Variants in KIAA1549L observed in about 807,000 individuals in gnomAD.
KIAA1549L encodes the protein UPF0606 protein KIAA1549L.
In KIAA1549L, 88 loss-of-function variants were observed where a neutral mutation model predicts 160.7. The ratio of observed to expected loss-of-function variants is 0.55; its 90% CI spans 0.46 to 0.65. The LOEUF is 0.65. Ranked by LOEUF, KIAA1549L falls within the 30% of genes least tolerant of loss-of-function variation. The pLI is 0.00. For missense variants in KIAA1549L, 2,258 were observed against 2,437.5 expected (o/e 0.93, Z 1.55); for synonymous variants, 950 against 976.7 (o/e 0.97, Z 0.51).
chr11:33,505,317 C>A (rs1009693115), intron 1 of KIAA1549L, among the ~76,000 whole-genome samples: 1 of 152,188 alleles, frequency 6.6e-6, no homozygotes, highest in African/African-American at 2.4e-5. Context: ...TCAGGAGAAT[C>A]TCCAGTGAAT....
intron 1 of KIAA1549L, among the ~76,000 whole-genome samples, chr11:33,524,528 T>C (rs1157909714): frequency 6.6e-6 from 1 of 151,222 alleles, no homozygotes; most frequent in Non-Finnish European, 1.5e-5. Flanking sequence ...CTATTTCTAA[T>C]TTTTATATAT....
At chr11:33,596,975 CAT>C (rs1456083729) in intron 12 of KIAA1549L, among the ~76,000 whole-genome samples, 1 of 152,116 alleles carries the variant, frequency 6.6e-6, no homozygotes, top group African/African-American at 2.4e-5. Context: ...AATAAAATAA[CAT>C]ATATTCAACA....
intron 1 of KIAA1549L, among the ~76,000 whole-genome samples, chr11:33,459,086 G>A (rs2132992578): frequency 6.6e-6 from 1 of 152,302 alleles, no homozygotes; most frequent in Non-Finnish European, 1.5e-5. Context: ...GATGGGCTTT[G>A]TTGATGGATT....
intron 18 of KIAA1549L, 116 bp downstream of exon 18, chr11:33,656,225 G>GTGTCACC (rs1852060193): frequency 1.4e-6 from 1 of 735,702 alleles, no homozygotes; most frequent in East Asian, 2.7e-5. Context: ...CATCCAGGGT[G>GTGTCACC]TGTCACCTGT....
rs918035641 is a variant in KIAA1549L at position 33,655,521 on chromosome 11, C to T, written c.5761-491C>T. Among the ~76,000 whole-genome samples, 11 of 152,300 alleles carry T rather than the reference C, an allele frequency of 7.2e-5. No homozygotes were observed. The Middle Eastern group carries it at 0.01, about 142-fold the overall frequency. On this transcript the variant is annotated intron_variant, in intron 17 of 20. Transcript: ENST00000658780. ...TATTTATTGATAACCTGTTATATAC[C>T]AGGCACTGTTCCAGGTATAAGGATA...
rs1303182218 is a variant in KIAA1549L, at chr11:33,496,852, C to T, written c.239-44950C>T. Among the ~76,000 whole-genome samples, 7 of 152,172 alleles carry T rather than the reference C, an allele frequency of 4.6e-5. No individual in the cohort carries two copies. The East Asian group carries it at 1.3e-3, about 29-fold the overall frequency. On this transcript the variant is annotated intron_variant, in intron 1 of 20. Coordinates refer to ENST00000658780, the MANE Select transcript of KIAA1549L (RefSeq NM_012194.3). ...CCTGTGATCTAACTCCTTCTGCCTC[C>T]TTTCTAATCTTACTTTGTATAATTC...
chr11:33,661,878 T>C (rs1852272158), intron 20 of KIAA1549L, among the ~76,000 whole-genome samples: 1 of 53,644 alleles, frequency 1.9e-5, no homozygotes, highest in Admixed American at 3.0e-4. Flanking sequence ...AGACTATGTC[T>C]CAAAAAAAAA....
chr11:33,452,392 G>A (rs974805702), intron 1 of KIAA1549L, among the ~76,000 whole-genome samples: 3 of 152,204 alleles, frequency 2.0e-5, no homozygotes, highest in African/African-American at 7.2e-5. Context: ...TGGATCATGA[G>A]GTCAGGAGAT....
intron 1 of KIAA1549L, among the ~76,000 whole-genome samples, chr11:33,508,544 T>TAA (rs1853147216): frequency 1.3e-5 from 2 of 152,218 alleles, no homozygotes; most frequent in Non-Finnish European, 2.9e-5. Flanking sequence ...CACCTGCGTG[T>TAA]GTGTACTTGG....
intron 14 of KIAA1549L, among the ~76,000 whole-genome samples, chr11:33,607,928 CTTCATTTTTTAAACCAAG>C (rs1850550425): frequency 6.6e-6 from 1 of 152,174 alleles, no homozygotes; most frequent in South Asian, 2.1e-4. Flanking sequence ...CTTTCAGCCT[CTTCATTTTTTAAACCAAG>C]AAGCTGAAGC....
intron 1 of KIAA1549L, among the ~76,000 whole-genome samples, chr11:33,429,833 C>T (rs968523588): frequency 2.0e-5 from 3 of 152,182 alleles, no homozygotes; most frequent in Non-Finnish European, 4.4e-5. Context: ...ACAGCCTCCA[C>T]TGCAGTCATC....
At position 33,544,894 on chromosome 11, in the gene KIAA1549L, C is replaced by G; in HGVS notation, c.2901C>G (p.Ala967=). 1 of 1,613,378 alleles carries G rather than the reference C, an allele frequency of 6.2e-7. No individual in the cohort carries two copies. Among genetic ancestry groups the G allele is most frequent in the Non-Finnish European group, 8.5e-7 (1 of 1,179,582 alleles). ...AGGGCACCAGCAGCAGCCCTTTGGC[C>G]GTGGCCTCAGGACCAGCTAAGAGCA... ...VAKGTSSSPL[A]VASGPAKSSS... Residue 967 remains alanine (A), a synonymous_variant, in exon 3 of 21, where the codon GCC becomes GCG. Transcript: ENST00000658780.
At chr11:33,536,634 A>G (rs974315916) in intron 1 of KIAA1549L, among the ~76,000 whole-genome samples, 21 of 152,188 alleles carry the variant, frequency 1.4e-4, no homozygotes, top group African/African-American at 4.6e-4. Context: ...ACTCAGATTC[A>G]AGGAGAGGGG....
At chr11:33,448,014 T>C (rs1383203204) in intron 1 of KIAA1549L, among the ~76,000 whole-genome samples, 2 of 152,202 alleles carry the variant, frequency 1.3e-5, no homozygotes, top group East Asian at 1.9e-4. Flanking sequence ...AGAAGTATAA[T>C]TGCAAGACAA....
Position 33,544,033 on chromosome 11 carries a change from A to G in KIAA1549L, c.2470A>G (p.Thr824Ala), listed in dbSNP as rs1263098521. 4 of 1,613,992 alleles carry G rather than the reference A, an allele frequency of 2.5e-6. No individual in the cohort carries two copies. The South Asian group carries it at 4.4e-5, about 18-fold the overall frequency. The change falls in exon 2 of 21, where the codon ACA becomes GCA. Residue 824 changes from threonine (T) to alanine (A), a missense_variant. Around this residue, in one of 6 missense-constraint regions of KIAA1549L, gnomAD observed 287 missense variants for 292.3 expected, o/e 0.98. Transcript: ENST00000658780. The stretch of plus-strand genomic sequence containing the variant: ...AGCTGAAGTTGCATATTACTCACCC[A>G]CAACTCGACATTCCGTGTCTCATCC... Reference protein sequence around the residue: ...QTAEVAYYSPTTRHSVSHPQL... With the variant: ...QTAEVAYYSPATRHSVSHPQL...
At chr11:33,423,638 A>G (rs1005034721) in intron 1 of KIAA1549L, among the ~76,000 whole-genome samples, 1 of 152,220 alleles carries the variant, frequency 6.6e-6, no homozygotes, top group Admixed American at 6.5e-5. Context: ...ATGGGTGCCA[A>G]ATTTGTTGCA....
chr11:33,389,281 G>A (rs1324485765), intron 1 of KIAA1549L, among the ~76,000 whole-genome samples: 2 of 152,152 alleles, frequency 1.3e-5, no homozygotes, highest in African/African-American at 4.8e-5. Context: ...TATTTACCAG[G>A]TGTCAACAGC....
chr11:33,617,337 T>C (rs2133347262), intron 15 of KIAA1549L, among the ~76,000 whole-genome samples: 1 of 152,300 alleles, frequency 6.6e-6, no homozygotes, highest in East Asian at 1.9e-4. Flanking sequence ...AAGAAAAGCA[T>C]AGCCAATCTC....
At chr11:33,589,626 C>T in intron 11 of KIAA1549L, among the ~76,000 whole-genome samples, 1 of 152,070 alleles carries the variant, frequency 6.6e-6, no homozygotes, top group Non-Finnish European at 1.5e-5. Context: ...ATGGATGAAG[C>T]TGGAAACCAT....
Sources: allele counts gnomAD v4.1 joint callset (sites outside exome capture counted in the v4.1 genomes callset), GRCh38; gene constraint gnomAD v4.1.1; regional missense constraint gnomAD v4.1.1; transcripts MANE v1.5; gene names NCBI Gene and HGNC (gene_info 2026-07-23, HGNC 2026-07-21).